The following TENM4 variants were observed in gnomAD, a reference collection of about 807,000 sequenced individuals.
TENM4 encodes teneurin-4.
Under a neutral mutation model 243.3 loss-of-function variants are expected in TENM4, and 82 were observed. That is an observed-to-expected ratio of 0.34 (90% CI 0.28 to 0.40). The LOEUF (loss-of-function observed/expected upper bound fraction) is 0.40. TENM4 is among the 10% of genes least tolerant of loss of function. The pLI, the probability that TENM4 is intolerant of heterozygous loss-of-function variation, is 1.00. For missense variants in TENM4, 3,138 were observed against 3,673.3 expected (o/e 0.85, Z 3.77); for synonymous variants, 1,412 against 1,456.3 (o/e 0.97, Z 0.69).
intron 28 of TENM4, among the ~76,000 whole-genome samples, chr11:78,696,735 C>G (rs1858975452): frequency 1.3e-5 from 2 of 152,206 alleles, no homozygotes; most frequent in South Asian, 4.1e-4. Flanking sequence ...GGGTCTCTTT[C>G]CATGTTCCTG....
At chr11:78,751,024 C>T (rs748744732) in intron 19 of TENM4, among the ~76,000 whole-genome samples, 30 of 152,140 alleles carry the variant, frequency 2.0e-4, no homozygotes, top group Admixed American at 1.7e-3. Flanking sequence ...GGACCACAGG[C>T]GTGCACCACC....
intron 4 of TENM4, among the ~76,000 whole-genome samples, chr11:79,089,206 G>C (rs1860887604): frequency 6.6e-6 from 1 of 152,206 alleles, no homozygotes. Flanking sequence ...TAGACTCTGT[G>C]CCTGCTCCAA....
chr11:78,720,590 T>C (rs554461651), intron 24 of TENM4, among the ~76,000 whole-genome samples, 200 bp from the exon 25 acceptor site: 2 of 152,348 alleles, frequency 1.3e-5, no homozygotes, highest in South Asian at 4.1e-4. Flanking sequence ...AGCAGCTACA[T>C]ATCACAGAAG....
chr11:79,187,751 C>CCTT (rs896334448), intron 3 of TENM4, among the ~76,000 whole-genome samples: 2 of 152,058 alleles, frequency 1.3e-5, no homozygotes, highest in Non-Finnish European at 2.9e-5. Context: ...CAATTGGTGT[C>CCTT]CTTATAAGAA....
intron 2 of TENM4, among the ~76,000 whole-genome samples, chr11:79,282,951 CT>C (rs1353224683): frequency 9.2e-5 from 14 of 152,166 alleles, no homozygotes; most frequent in Non-Finnish European, 1.9e-4. Flanking sequence ...TCAGGCTTCA[CT>C]GCAGTGTTGT....
In TENM4 at chr11:79,200,401, T is replaced by C. The variant is rs536082002; in HGVS notation, c.-163+15407A>G. Reference sequence around the variant, plus strand: ...AAAGTCCACTTCACCTTACTCCGCATTGAATCTAGTGTCCCCCAGGACATG... The same window carrying C: ...AAAGTCCACTTCACCTTACTCCGCACTGAATCTAGTGTCCCCCAGGACATG... On this transcript the variant is annotated intron_variant, in intron 3 of 33. Transcript: ENST00000278550. 3.9e-5 allele frequency among the ~76,000 whole-genome samples: 6 copies of C among 152,364 alleles called. No individual in the cohort carries two copies. In the East Asian group the frequency reaches 1.2e-3, roughly 29 times the overall value.
At chr11:79,236,076 T>G (rs971772478) in intron 2 of TENM4, among the ~76,000 whole-genome samples, 1 of 152,102 alleles carries the variant, frequency 6.6e-6, no homozygotes, top group Non-Finnish European at 1.5e-5. Context: ...ATACTCAGGG[T>G]TCACGGTCCC....
chr11:78,800,738 A>G (rs75543919), intron 15 of TENM4, among the ~76,000 whole-genome samples: 1,847 of 15,178 alleles, frequency 0.12, 53 homozygotes, highest in African/African-American at 0.33. Flanking sequence ...TTCACAGGGG[A>G]GAGAGAGAGA....
At chr11:79,240,838 T>C (rs897835256) in intron 2 of TENM4, among the ~76,000 whole-genome samples, 19 of 152,200 alleles carry the variant, frequency 1.2e-4, no homozygotes, top group African/African-American at 1.9e-4. Flanking sequence ...GGGAGTCAGT[T>C]TGACTAATTT....
At chr11:79,394,262 C>G (rs1468037103) in intron 1 of TENM4, among the ~76,000 whole-genome samples, 1 of 152,210 alleles carries the variant, frequency 6.6e-6, no homozygotes, top group Non-Finnish European at 1.5e-5. Context: ...ACCTGGTTCT[C>G]CTCAAGCATC....
chr11:78,668,782 T>C (rs554099018), intron 32 of TENM4, among the ~76,000 whole-genome samples, 155 bp downstream of exon 32: 2 of 152,344 alleles, frequency 1.3e-5, no homozygotes, highest in South Asian at 4.1e-4. Flanking sequence ...TTTTCTGAAC[T>C]AGTGTTTCTT....
At chr11:79,009,605 T>G (rs11824887) in intron 6 of TENM4, among the ~76,000 whole-genome samples, 5 of 151,968 alleles carry the variant, frequency 3.3e-5, no homozygotes, top group Non-Finnish European at 7.4e-5. Context: ...GGGACCCTGA[T>G]TTTTAGGCCA....
At chr11:78,938,693 C>A (rs1856834005) in intron 6 of TENM4, among the ~76,000 whole-genome samples, 1 of 152,114 alleles carries the variant, frequency 6.6e-6, no homozygotes, top group African/African-American at 2.4e-5. Flanking sequence ...TTGTTGCAAG[C>A]AGAACCCTTG....
At chr11:79,424,709 C>A (rs533870322) in intron 1 of TENM4, among the ~76,000 whole-genome samples, 4 of 151,770 alleles carry the variant, frequency 2.6e-5, no homozygotes, top group African/African-American at 9.7e-5. Flanking sequence ...CCGAGGCGGG[C>A]GGATCATGAG....
intron 1 of TENM4, among the ~76,000 whole-genome samples, chr11:79,430,892 A>G (rs879888652): frequency 3.3e-5 from 5 of 152,234 alleles, no homozygotes; most frequent in South Asian, 2.1e-4. Context: ...TAGAAAGAAC[A>G]TCTAGGCCTT....
At chr11:78,803,256 C>T (rs554581126) in intron 15 of TENM4, among the ~76,000 whole-genome samples, 1 of 152,106 alleles carries the variant, frequency 6.6e-6, no homozygotes, top group Non-Finnish European at 1.5e-5. Context: ...TCTTGAACTC[C>T]TTGACATCAT....
At chr11:79,118,450 G>T (rs1468637440) in intron 4 of TENM4, among the ~76,000 whole-genome samples, 2 of 151,990 alleles carry the variant, frequency 1.3e-5, no homozygotes, top group Non-Finnish European at 2.9e-5. Flanking sequence ...TACTTCAATG[G>T]CATTGAGTAC....
At chr11:78,768,613 G>C (rs147873071) in intron 18 of TENM4, among the ~76,000 whole-genome samples, 1 of 152,158 alleles carries the variant, frequency 6.6e-6, no homozygotes, top group Non-Finnish European at 1.5e-5. Flanking sequence ...AACATTGGTT[G>C]AGTGAGTGAA....
chr11:78,688,210 G>A lies in TENM4; in HGVS notation c.5104C>T (p.Arg1702Cys), dbSNP rs766235028. The change falls in exon 29 of 34, where the codon CGC (arginine) becomes TGC (cysteine). Residue 1702 changes from arginine (R) to cysteine (C), a missense_variant. Around this residue, in one of 2 missense-constraint regions of TENM4, gnomAD observed 2,467 missense variants for 3,059.1 expected, o/e 0.81. Coordinates refer to ENST00000278550, the MANE Select transcript of TENM4 (RefSeq NM_001098816.3). ...GTAGGGAAGGTCACATTTGTCAGGC[G>A]GCCAAAGCTGTCGTACCTGGAAACC... ...TTFYEYDSFG[R>C]LTNVTFPTGQ... is the part of the protein sequence containing the mutation. 1.1e-5 allele frequency: 18 copies of A among 1,613,244 alleles called. No individual in the cohort carries two copies. The highest frequency in any genetic ancestry group is 8.8e-5 in the South Asian group (8 of 90,854).
Sources: gnomAD v4.1 joint callset for allele counts (sites outside exome capture counted in the v4.1 genomes callset) on GRCh38, gnomAD v4.1.1 for gene constraint, gnomAD v4.1.1 regional missense constraint, MANE v1.5 for transcripts, NCBI Gene and HGNC (gene_info 2026-07-23, HGNC 2026-07-21) for gene names.